Variants in KIRREL2 observed in about 807,000 individuals in gnomAD.
KIRREL2 encodes the protein kirre like nephrin family adhesion molecule 2, also known as kin of IRRE-like protein 2.
In KIRREL2, 56 loss-of-function variants were observed where a neutral mutation model predicts 73.4. The observed-to-expected ratio is 0.76, with a 90% CI of 0.62 to 0.95. The LOEUF (loss-of-function observed/expected upper bound fraction) is 0.95. KIRREL2 is among the 40% of genes least tolerant of loss of function. KIRREL2 has a pLI of 0.00. For missense variants in KIRREL2, 896 were observed against 935.0 expected (o/e 0.96, Z 0.54); for synonymous variants, 407 against 404.0 (o/e 1.01, Z -0.09).
chr19:35,863,940 AT>A (rs1462400772), intron 13 of KIRREL2, among the ~76,000 whole-genome samples: 2 of 151,226 alleles, frequency 1.3e-5, no homozygotes, highest in Admixed American at 1.3e-4. Context: ...TGTCCAGCTA[AT>A]TTTTTTGTAT....
chr19:35,851,936 C>A, upstream of KIRREL2: 1 of 1,032,868 alleles, frequency 9.7e-7, no homozygotes, highest in South Asian at 1.4e-5. Flanking sequence ...CTGCCACCTG[C>A]TTTTCTTTTT....
At chr19:35,858,607 A>G (rs1973530729) in intron 3 of KIRREL2, 50 bp downstream of exon 3, 1 of 1,611,492 alleles carries the variant, frequency 6.2e-7, no homozygotes, top group Non-Finnish European at 8.5e-7. Flanking sequence ...GGCAGCCCGT[A>G]CTAGCTGTGA....
chr19:35,861,040 C>G lies in KIRREL2; in HGVS notation c.1056+4C>G, dbSNP rs554279522. The G allele has an allele frequency of 1.0e-4, 166 of 1,611,140 alleles. 2 individuals are homozygous for G. In the Admixed American group the frequency reaches 2.7e-3, roughly 26 times the overall value. Reference sequence around the variant, plus strand: ...GACCCGCCGCGGTGGCGCGCAGGTACAGCCCTAAATCTGAGGCGGTGGCTG... The same window carrying G: ...GACCCGCCGCGGTGGCGCGCAGGTAGAGCCCTAAATCTGAGGCGGTGGCTG... On this transcript the variant is annotated splice_donor_region_variant and intron_variant, in intron 8 of 14. Transcript: ENST00000360202.
chr19:35,860,447 G>A, intron 6 of KIRREL2, 45 bp downstream of exon 6: 1 of 1,606,254 alleles, frequency 6.2e-7, no homozygotes, highest in Non-Finnish European at 8.5e-7. Context: ...GAGTGAGCTT[G>A]GGAAGGGCTG....
chr19:35,863,135 G>A, intron 13 of KIRREL2, 99 bp downstream of exon 13: 2 of 692,788 alleles, frequency 2.9e-6, no homozygotes, highest in Non-Finnish European at 5.0e-6. Context: ...TCTAAGGCCA[G>A]GCATGGTGCC....
intron 13 of KIRREL2, among the ~76,000 whole-genome samples, chr19:35,863,588 G>A (rs1048023556): frequency 1.3e-5 from 2 of 151,602 alleles, no homozygotes; most frequent in African/African-American, 2.4e-5. Context: ...GAGTAGCTGC[G>A]ATTACAGGCG....
In KIRREL2 at chr19:35,859,503, C is replaced by T; in HGVS notation, c.545C>T (p.Pro182Leu). ...CAGACCCTGCTGAAGGAAGGGACCC[C>T]TGGGTCAGTGGAGAGCACCTTAACC... ...FHQTLLKEGTPGSVESTLTLT... is the reference protein window; with the variant it reads ...FHQTLLKEGTLGSVESTLTLT... Residue 182 changes from proline to leucine, a missense_variant, in exon 5 of 15, where the codon CCT becomes CTT. Physicochemically the swap from Pro to Leu is moderately conservative, Grantham distance 98 (BLOSUM62 -3). Coordinates refer to ENST00000360202, the MANE Select transcript of KIRREL2 (RefSeq NM_199180.4). The T allele has an allele frequency of 6.2e-7, 1 of 1,614,162 alleles. No homozygotes were observed. Among genetic ancestry groups the T allele is most frequent in the Non-Finnish European group, 8.5e-7 (1 of 1,180,008 alleles).
In KIRREL2 at chr19:35,866,472, C is replaced by T. The variant is rs374425895; in HGVS notation, c.2107C>T (p.Arg703Cys). 76 of 1,611,646 alleles carry T rather than the reference C, an allele frequency of 4.7e-5. No homozygotes were observed. The highest frequency in any genetic ancestry group is 3.3e-4 in the African/African-American group (25 of 74,864). Reference sequence around the variant, plus strand: ...TGCCTTCCCCACACCTAGCCACCCGCGTCTCCAGACTCACGTGTGACATCT... The same window carrying T: ...TGCCTTCCCCACACCTAGCCACCCGTGTCTCCAGACTCACGTGTGACATCT... ...YAAFPTPSHP[R>C]LQTHV The change falls in exon 15 of 15, where the codon CGT becomes TGT. Residue 703 changes from arginine (R) to cysteine (C), a missense_variant. Coordinates refer to ENST00000360202, the MANE Select transcript of KIRREL2 (RefSeq NM_199180.4).
At chr19:35,854,646 A>G (rs960044026), upstream of KIRREL2, among the ~76,000 whole-genome samples, 10 of 151,830 alleles carry the variant, frequency 6.6e-5, no homozygotes, top group African/African-American at 2.4e-4. Context: ...ATCTTTCTCC[A>G]TCTGTTTGAG....
upstream of KIRREL2, among the ~76,000 whole-genome samples, chr19:35,855,103 G>A (rs1161135533): frequency 6.6e-6 from 1 of 152,018 alleles, no homozygotes; most frequent in Non-Finnish European, 1.5e-5. Flanking sequence ...CTTCATCCTC[G>A]ATGCTGGACT....
At chr19:35,864,099 C>G (rs974439389) in intron 13 of KIRREL2, among the ~76,000 whole-genome samples, 2 of 151,700 alleles carry the variant, frequency 1.3e-5, no homozygotes, top group Admixed American at 1.3e-4. Flanking sequence ...TAACAGTGAC[C>G]CCACACCCAA....
chr19:35,862,634 C>G (rs1213356406), intron 12 of KIRREL2, 37 bp downstream of exon 12: 1 of 1,474,882 alleles, frequency 6.8e-7, no homozygotes, highest in South Asian at 1.1e-5. Flanking sequence ...CCCGAGGCCC[C>G]AGCCCCACAC....
chr19:35,863,698 C>T (rs1280672549), intron 13 of KIRREL2, among the ~76,000 whole-genome samples: 7 of 151,976 alleles, frequency 4.6e-5, no homozygotes, highest in Admixed American at 3.9e-4. Context: ...GTGATCCACC[C>T]GCCTCGACCT....
Position 35,863,442 on chromosome 19 carries a change from T to TTTA in KIRREL2, c.1725+406_1725+407insTTA, listed in dbSNP as rs773425855. Among the ~76,000 whole-genome samples the TTTA allele has an allele frequency of 8.4e-3, 1,233 of 147,590 alleles. 25 individuals carry two copies. The highest frequency in any genetic ancestry group is 0.062 in the East Asian group (310 of 5,036). Reference sequence around the variant, plus strand: ...TGTCTCCATTTTTTTTTTTTTTTTTTATGTAGGAGGGCTCTAGTCTTTTTT... The same window carrying TTTA: ...TGTCTCCATTTTTTTTTTTTTTTTTTTTAATGTAGGAGGGCTCTAGTCTTTTTT... On this transcript the variant is annotated intron_variant, in intron 13 of 14. Transcript: ENST00000360202.
rs2146866132 is a variant in KIRREL2, at chr19:35,861,534, A to C, written c.1190-7A>C. 1 of 1,613,592 alleles carries C rather than the reference A, an allele frequency of 6.2e-7. No individual in the cohort carries two copies. Among genetic ancestry groups the C allele is most frequent in the Non-Finnish European group, 8.5e-7 (1 of 1,179,766 alleles). On this transcript the variant is annotated splice_polypyrimidine_tract_variant and splice_region_variant and intron_variant, in intron 9 of 14. Coordinates refer to ENST00000360202, the MANE Select transcript of KIRREL2 (RefSeq NM_199180.4). The stretch of plus-strand genomic sequence containing the variant: ...CTCCTCTGAGTGACCTACAGTCTCC[A>C]TCCCAGCTCCCCCAGTAGTGACCGC...
At chr19:35,851,636 C>T (rs781561486), upstream of KIRREL2, 114 of 1,613,686 alleles carry the variant, frequency 7.1e-5, no homozygotes, top group Non-Finnish European at 8.4e-5. Flanking sequence ...CCAGAAGCCC[C>T]GGGGAACGGA....
In KIRREL2 at chr19:35,859,543, C is replaced by T; in HGVS notation, c.585C>T (p.Ser195=). Residue 195 remains serine (S), a synonymous_variant, in exon 5 of 15, where the codon AGC becomes AGT. Coordinates refer to ENST00000360202, the MANE Select transcript of KIRREL2 (RefSeq NM_199180.4). ...GCACCTTAACCCTGACCCCTTTCAG[C>T]CATGATGATGGAGCCACCTTTGTCT... is the stretch of plus-strand genomic sequence containing the variant. ...VESTLTLTPF[S]HDDGATFVCR... 1.9e-6 allele frequency: 3 copies of T among 1,614,164 alleles called. No individual in the cohort carries two copies. Among genetic ancestry groups the T allele is most frequent in the Non-Finnish European group, 2.5e-6 (3 of 1,180,006 alleles).
chr19:35,858,819 G>A lies in KIRREL2; in HGVS notation c.477G>A (p.Leu159=), dbSNP rs57079408. The A allele has an allele frequency of 1.2e-3, 1,889 of 1,614,156 alleles. 19 individuals are homozygous for A. The African/African-American group carries it at 0.022, about 19-fold the overall frequency. The change falls in exon 4 of 15, where the codon CTG becomes CTA. Residue 159 remains leucine, a synonymous_variant. Transcript: ENST00000360202. ...ATGCCCGCCCTACCCCTGAATTGCT[G>A]TGGTTCCGAGATGGGGTCCTGTTGG... ...RGDARPTPEL[L]WFRDGVLLDG...
rs1568470128 is a variant in KIRREL2 at position 35,866,296 on chromosome 19, C to T, written c.1931C>T (p.Pro644Leu). ...ACCCCTACCTTCTATGACTTCAACC[C>T]ACACCTGGGCATGGTCCCCCCCTGC... Reference protein sequence around the residue: ...PGTPTFYDFNPHLGMVPPCRL... With the variant: ...PGTPTFYDFNLHLGMVPPCRL... Residue 644 changes from proline to leucine, a missense_variant, in exon 15 of 15, where the codon CCA becomes CTA. Pro to Leu is a moderately conservative substitution (Grantham distance 98). Transcript: ENST00000360202. The T allele has an allele frequency of 6.2e-7, 1 of 1,613,018 alleles. No individual in the cohort carries two copies. The highest frequency in any genetic ancestry group is 2.2e-5 in the East Asian group (1 of 44,868).
Sources: gnomAD v4.1 joint callset for allele counts (sites outside exome capture counted in the v4.1 genomes callset) on GRCh38, gnomAD v4.1.1 for gene constraint, MANE v1.5 for transcripts, NCBI Gene and HGNC (gene_info 2026-07-23, HGNC 2026-07-21) for gene names.